Variants in LRRC4C observed in about 807,000 individuals in gnomAD.
The protein encoded by LRRC4C is leucine rich repeat containing 4C, also known as leucine-rich repeat-containing protein 4C.
A neutral mutation model predicts 33.6 loss-of-function variants in LRRC4C; 5 were observed. The observed-to-expected ratio is 0.15, with a 90% CI of 0.08 to 0.31. The LOEUF is 0.31. LRRC4C is among the 10% of genes least tolerant of loss of function. The pLI, the probability that LRRC4C is intolerant of heterozygous loss-of-function variation, is 1.00. For synonymous variants in LRRC4C, 329 were observed against 302.0 expected (o/e 1.09, Z -0.93); for missense variants, 560 against 796.7 (o/e 0.70, Z 3.58).
At chr11:41,164,766 G>A (rs904113217) in intron 1 of LRRC4C, among the ~76,000 whole-genome samples, 1 of 152,168 alleles carries the variant, frequency 6.6e-6, no homozygotes, top group Admixed American at 6.5e-5. Flanking sequence ...CTTGGAACAT[G>A]TCTGGGGTCC....
intron 6 of LRRC4C, among the ~76,000 whole-genome samples, chr11:40,138,665 T>A (rs1421994770): frequency 6.6e-6 from 1 of 152,244 alleles, no homozygotes; most frequent in Admixed American, 6.5e-5. Flanking sequence ...TTTGTAGGGT[T>A]AACTAGAAAA....
At chr11:40,187,931 G>A (rs1861538207) in intron 5 of LRRC4C, among the ~76,000 whole-genome samples, 1 of 152,170 alleles carries the variant, frequency 6.6e-6, no homozygotes, top group South Asian at 2.1e-4. Flanking sequence ...GAGATCCTCT[G>A]CTAGCCAGCC....
At chr11:40,410,564 G>A (rs537776523) in intron 3 of LRRC4C, among the ~76,000 whole-genome samples, 12 of 152,008 alleles carry the variant, frequency 7.9e-5, no homozygotes, top group Admixed American at 1.3e-4. Context: ...CATGTTTTCC[G>A]TTCTTTTTAT....
At chr11:41,411,836 C>T (rs1184740275) in intron 1 of LRRC4C, among the ~76,000 whole-genome samples, 8 of 152,138 alleles carry the variant, frequency 5.3e-5, no homozygotes, top group African/African-American at 1.9e-4. Flanking sequence ...GCCCCAGATT[C>T]TGTAAGTGTG....
chr11:40,371,447 A>T (rs1046569375), intron 3 of LRRC4C, among the ~76,000 whole-genome samples: 2 of 152,220 alleles, frequency 1.3e-5, no homozygotes, highest in African/African-American at 4.8e-5. Context: ...AAGTGACAAC[A>T]TATTAATGAT....
At chr11:40,186,651 G>T (rs550894149) in intron 5 of LRRC4C, among the ~76,000 whole-genome samples, 4 of 152,184 alleles carry the variant, frequency 2.6e-5, no homozygotes, top group African/African-American at 9.6e-5. Context: ...CGCAATCTTT[G>T]CTCGGCCAGT....
intron 1 of LRRC4C, among the ~76,000 whole-genome samples, chr11:41,322,891 A>T (rs75676610): frequency 0.013 from 2,046 of 152,278 alleles, 20 homozygotes; most frequent in Middle Eastern, 0.024. Flanking sequence ...TCCTCCTTGG[A>T]TATGACACAT....
At chr11:40,739,742 T>C (rs994457434) in intron 2 of LRRC4C, among the ~76,000 whole-genome samples, 16 of 151,978 alleles carry the variant, frequency 1.1e-4, no homozygotes, top group African/African-American at 3.6e-4. Flanking sequence ...TCTCCTGCTT[T>C]CTTGCGAAGA....
At chr11:40,748,812 A>T (rs1291121279) in intron 2 of LRRC4C, among the ~76,000 whole-genome samples, 1 of 152,136 alleles carries the variant, frequency 6.6e-6, no homozygotes, top group Non-Finnish European at 1.5e-5. Flanking sequence ...ATGAAAGTCA[A>T]TTGCCAACAA....
intron 5 of LRRC4C, among the ~76,000 whole-genome samples, chr11:40,234,948 A>C (rs1865455549): frequency 1.3e-5 from 2 of 152,162 alleles, no homozygotes; most frequent in Non-Finnish European, 2.9e-5. Context: ...CCCATTGAGA[A>C]CCACCGTACT....
At chr11:40,300,457 C>G (rs764346271) in intron 4 of LRRC4C, among the ~76,000 whole-genome samples, 2 of 152,220 alleles carry the variant, frequency 1.3e-5, no homozygotes, top group Non-Finnish European at 2.9e-5. Context: ...AGAGTTAAAG[C>G]TTAACTAACT....
At chr11:40,378,793 A>G (rs1030821829) in intron 3 of LRRC4C, among the ~76,000 whole-genome samples, 1 of 152,132 alleles carries the variant, frequency 6.6e-6, no homozygotes, top group Non-Finnish European at 1.5e-5. Context: ...TGCTTATACT[A>G]TAACTGTTTA....
chr11:40,254,460 T>C (rs1357324762), intron 4 of LRRC4C, among the ~76,000 whole-genome samples: 2 of 152,200 alleles, frequency 1.3e-5, no homozygotes, highest in East Asian at 3.9e-4. Context: ...CCATCTTTCA[T>C]ATTGCCCAGT....
rs1424006440 is a variant in LRRC4C, at chr11:40,868,991, ATTAGGATGACCCTTAATAGCTTAAGT to A, written c.-407+64618_-407+64643del. ...GAGCTCACTTAGAAACACTAATAAC[ATTAGGATGACCCTTAATAGCTTAAGT>A]TTACTTTTAAACACAGTATCTCATT... On this transcript the variant is annotated intron_variant, in intron 2 of 6. Transcript: ENST00000528697. 2.0e-5 allele frequency among the ~76,000 whole-genome samples: 3 copies of A among 152,274 alleles called. No homozygotes were observed. In the East Asian group the frequency reaches 5.8e-4, roughly 29 times the overall value.
rs529308579 is a variant in LRRC4C at position 40,939,835 on chromosome 11, A to T, written c.-495-6112T>A. Reference sequence around the variant, plus strand: ...CCAACTCAGCTTCCTTTGTTCAATTACCTGTCATCAGATCATTTGTTTTAT... The same window carrying T: ...CCAACTCAGCTTCCTTTGTTCAATTTCCTGTCATCAGATCATTTGTTTTAT... On this transcript the variant is annotated intron_variant, in intron 1 of 6. Coordinates refer to ENST00000528697, the MANE Select transcript of LRRC4C (RefSeq NM_001258419.2). 2.0e-5 allele frequency among the ~76,000 whole-genome samples: 3 copies of T among 152,292 alleles called. No homozygotes were observed. The South Asian group carries it at 6.2e-4, about 32-fold the overall frequency.
intron 1 of LRRC4C, among the ~76,000 whole-genome samples, chr11:41,333,462 T>C (rs1418572239): frequency 6.6e-6 from 1 of 152,216 alleles, no homozygotes; most frequent in Non-Finnish European, 1.5e-5. Context: ...AAATTCCATC[T>C]GGCTCAAGTT....
At chr11:40,888,297 A>T (rs1398433014) in intron 2 of LRRC4C, among the ~76,000 whole-genome samples, 1 of 151,884 alleles carries the variant, frequency 6.6e-6, no homozygotes, top group Non-Finnish European at 1.5e-5. Context: ...ATTTTAGGTA[A>T]AGTTGTATGG....
chr11:40,162,700 G>A (rs188373219), intron 5 of LRRC4C, among the ~76,000 whole-genome samples: 14 of 152,278 alleles, frequency 9.2e-5, no homozygotes, highest in African/African-American at 2.2e-4. Context: ...CAAACTTTAC[G>A]TAAGGTATGT....
intron 3 of LRRC4C, among the ~76,000 whole-genome samples, chr11:40,639,033 G>T (rs908353367): frequency 3.3e-5 from 5 of 151,794 alleles, no homozygotes; most frequent in African/African-American, 1.2e-4. Context: ...TCAACTTCAG[G>T]AAAATCCTCA....
Sources: allele counts gnomAD v4.1 joint callset (sites outside exome capture counted in the v4.1 genomes callset), GRCh38; gene constraint gnomAD v4.1.1; transcripts MANE v1.5; gene names NCBI Gene and HGNC (gene_info 2026-07-23, HGNC 2026-07-21).